Variants in GNAQ observed in about 807,000 individuals in gnomAD.
GNAQ encodes the protein guanine nucleotide-binding protein G(q) subunit alpha.
Under a neutral mutation model 43.9 loss-of-function variants are expected in GNAQ, and 8 were observed. That is an observed-to-expected ratio of 0.18 (90% confidence interval 0.11 to 0.33). The LOEUF (loss-of-function observed/expected upper bound fraction) is 0.33. Ranked by LOEUF, GNAQ falls within the 10% of genes least tolerant of loss-of-function variation. GNAQ has a pLI of 1.00. For synonymous variants in GNAQ, 155 were observed against 170.7 expected (o/e 0.91, Z 0.71); for missense variants, 158 against 450.8 (o/e 0.35, Z 5.88).
In GNAQ at chr9:77,889,410, C is replaced by CAA. The variant is rs58496646; in HGVS notation, c.321+32749_321+32750dup. On this transcript the variant is annotated intron_variant, in intron 2 of 6. Transcript: ENST00000286548. ...TGGGCGACAAAGCCAGACCCTGTCT[C>CAA]AAAAAAAAAAAAAAAAAAAAAAAAA... Among the ~76,000 whole-genome samples, 392 of 48,052 alleles carry CAA rather than the reference C, an allele frequency of 8.2e-3. 49 individuals are homozygous for CAA. The highest frequency in any genetic ancestry group is 0.011 in the Non-Finnish European group (310 of 28,800). The allele number at this position is 48,052 out of a possible 152,430, so 31.5% of individuals were successfully genotyped here.
chr9:77,922,163 T>G lies in GNAQ; in HGVS notation c.319A>C (p.Lys107Gln), dbSNP rs762200216. ...CTCCAATGAAGAGTCGCACCTACCT[T>G]ATTGTGCTCATACTTGTATGGGATC... ...LKIPYKYEHN[K>Q]AHAQLVREVD... The change falls in exon 2 of 7, where the codon AAG becomes CAG. Residue 107 changes from lysine to glutamine, a missense_variant and splice_region_variant. This residue lies in a region of GNAQ where 57 missense variants were observed against 78.2 expected (regional missense o/e 0.73). Coordinates refer to ENST00000286548, the MANE Select transcript of GNAQ (RefSeq NM_002072.5). 1 of 1,602,898 alleles carries G rather than the reference T, an allele frequency of 6.2e-7. No individual in the cohort carries two copies. Among genetic ancestry groups the G allele is most frequent in the Non-Finnish European group, 8.5e-7 (1 of 1,170,998 alleles).
intron 1 of GNAQ, among the ~76,000 whole-genome samples, chr9:77,996,016 A>C (rs1165396916): frequency 2.0e-5 from 3 of 152,206 alleles, no homozygotes; most frequent in Non-Finnish European, 4.4e-5. Flanking sequence ...TTACTTATAA[A>C]GGAGGGGTGT....
At chr9:77,842,085 TA>T (rs2117886300) in intron 2 of GNAQ, among the ~76,000 whole-genome samples, 1 of 152,368 alleles carries the variant, frequency 6.6e-6, no homozygotes, top group African/African-American at 2.4e-5. Context: ...CAAATCCCTC[TA>T]GGGGGAGTTC....
chr9:78,006,162 G>A (rs945639437), intron 1 of GNAQ, among the ~76,000 whole-genome samples: 1 of 152,050 alleles, frequency 6.6e-6, no homozygotes, highest in African/African-American at 2.4e-5. Flanking sequence ...GGAATTTGAG[G>A]GACTTAGTGC....
chr9:77,902,621 G>A (rs902136178), intron 2 of GNAQ, among the ~76,000 whole-genome samples: 18 of 152,184 alleles, frequency 1.2e-4, no homozygotes, highest in African/African-American at 4.1e-4. Context: ...CATAAAATCA[G>A]GAATCCACAA....
At chr9:77,750,124 ATAT>A (rs1825790585) in intron 5 of GNAQ, among the ~76,000 whole-genome samples, 1 of 151,996 alleles carries the variant, frequency 6.6e-6, no homozygotes, top group Admixed American at 6.5e-5. Context: ...TCTTTAAAAA[ATAT>A]TATTTCCACT....
chr9:77,853,735 C>T (rs751283909), intron 2 of GNAQ, among the ~76,000 whole-genome samples: 3 of 132,764 alleles, frequency 2.3e-5, no homozygotes, highest in African/African-American at 8.6e-5. Context: ...TCCTATTATT[C>T]CAGCGGATTT....
At chr9:77,990,703 C>T (rs558549846) in intron 1 of GNAQ, among the ~76,000 whole-genome samples, 1 of 152,266 alleles carries the variant, frequency 6.6e-6, no homozygotes, top group East Asian at 1.9e-4. Context: ...GAGACAATAG[C>T]GTAAGTATAA....
At position 77,957,139 on chromosome 9, in the gene GNAQ, C is replaced by T. The variant is rs561487795; in HGVS notation, c.137-34794G>A. Among the ~76,000 whole-genome samples the T allele has an allele frequency of 3.9e-5, 6 of 152,068 alleles. No individual in the cohort carries two copies. The South Asian group carries it at 1.0e-3, about 26-fold the overall frequency. On this transcript the variant is annotated intron_variant, in intron 1 of 6. Transcript: ENST00000286548. ...TTGGGGAGGCCGAGGCAGGCGGTCA[C>T]GAGGTCAGAAATTCGAGACCAGTCT...
At chr9:77,937,487 T>C (rs1356738649) in intron 1 of GNAQ, among the ~76,000 whole-genome samples, 1 of 152,186 alleles carries the variant, frequency 6.6e-6, no homozygotes, top group Non-Finnish European at 1.5e-5. Context: ...ATTTTTAATA[T>C]ATACACAGAT....
intron 1 of GNAQ, among the ~76,000 whole-genome samples, chr9:77,948,587 C>G (rs1345314952): frequency 6.6e-6 from 1 of 152,256 alleles, no homozygotes; most frequent in African/African-American, 2.4e-5. Flanking sequence ...ATTAACACAG[C>G]GTCCTAAGAA....
Position 77,757,221 on chromosome 9 carries a change from T to C in GNAQ, c.736-28554A>G, listed in dbSNP as rs532196090. On this transcript the variant is annotated intron_variant, in intron 5 of 6. Coordinates refer to ENST00000286548, the MANE Select transcript of GNAQ (RefSeq NM_002072.5). ...AAATCTGTTATAACTGTCTTCCAAATAGATAAGAATCTATCCCCATAAGCA... is the reference window on the plus strand; with the variant it reads ...AAATCTGTTATAACTGTCTTCCAAACAGATAAGAATCTATCCCCATAAGCA... Among the ~76,000 whole-genome samples the C allele has an allele frequency of 2.6e-5, 4 of 152,312 alleles. No individual in the cohort carries two copies. The South Asian group carries it at 6.2e-4, about 24-fold the overall frequency.
At chr9:77,918,926 T>G (rs75596114) in intron 2 of GNAQ, among the ~76,000 whole-genome samples, 1 of 152,110 alleles carries the variant, frequency 6.6e-6, no homozygotes, top group African/African-American at 2.4e-5. Context: ...TCACAAATAA[T>G]TTTTTTTGTT....
At chr9:77,799,939 C>A (rs1274910326) in intron 3 of GNAQ, among the ~76,000 whole-genome samples, 1 of 152,096 alleles carries the variant, frequency 6.6e-6, no homozygotes, top group Admixed American at 6.6e-5. Context: ...TGGTGTGAAA[C>A]ACAGAAAGGA....
At chr9:77,723,259 A>C (rs1474580397) in intron 6 of GNAQ, among the ~76,000 whole-genome samples, 1 of 152,246 alleles carries the variant, frequency 6.6e-6, no homozygotes, top group African/African-American at 2.4e-5. Context: ...TTGGGAAAAT[A>C]TGGAGAGATT....
chr9:77,947,112 C>G (rs1394177232), intron 1 of GNAQ, among the ~76,000 whole-genome samples: 1 of 152,268 alleles, frequency 6.6e-6, no homozygotes, highest in Non-Finnish European at 1.5e-5. Flanking sequence ...AAACCTCCCC[C>G]ATTCTTGTCC....
chr9:77,746,098 T>C (rs1485674443), intron 5 of GNAQ, among the ~76,000 whole-genome samples: 1 of 152,166 alleles, frequency 6.6e-6, no homozygotes, highest in Non-Finnish European at 1.5e-5. Context: ...GAAATAGTGT[T>C]TTCAGAATGA....
At chr9:77,850,609 T>G (rs887519646) in intron 2 of GNAQ, among the ~76,000 whole-genome samples, 6 of 152,196 alleles carry the variant, frequency 3.9e-5, no homozygotes, top group Admixed American at 2.0e-4. Flanking sequence ...CATTTCTGAT[T>G]TGAACCCTCT....
At position 77,964,468 on chromosome 9, in the gene GNAQ, TC is replaced by T. The variant is rs1279027228; in HGVS notation, c.137-42124del. Among the ~76,000 whole-genome samples the T allele has an allele frequency of 1.1e-4, 16 of 152,262 alleles. No homozygotes were observed. In the South Asian group the frequency reaches 3.1e-3, roughly 30 times the overall value. On this transcript the variant is annotated intron_variant, in intron 1 of 6. Coordinates refer to ENST00000286548, the MANE Select transcript of GNAQ (RefSeq NM_002072.5). ...TTAACCAAACTGACATAGGCTGCTTTCCCAACAACAACGAAAAACATTATTT... is the reference window on the plus strand; with the variant it reads ...TTAACCAAACTGACATAGGCTGCTTTCCAACAACAACGAAAAACATTATTT...
Sources: allele counts gnomAD v4.1 joint callset (sites outside exome capture counted in the v4.1 genomes callset), GRCh38; gene constraint gnomAD v4.1.1; regional missense constraint gnomAD v4.1.1; transcripts MANE v1.5; gene names NCBI Gene and HGNC (gene_info 2026-07-23, HGNC 2026-07-21).